Variants in PTPRM observed in about 807,000 individuals in gnomAD.
PTPRM encodes protein tyrosine phosphatase receptor type M, also known as receptor-type tyrosine-protein phosphatase mu.
A neutral mutation model predicts 186.7 loss-of-function variants in PTPRM; 47 were observed. The observed-to-expected ratio is 0.25, with a 90% confidence interval of 0.20 to 0.32. The LOEUF (loss-of-function observed/expected upper bound fraction) is 0.32, where lower values mean the gene tolerates loss of function less well. PTPRM is among the 10% of genes least tolerant of loss of function. The pLI, the probability that PTPRM is intolerant of heterozygous loss-of-function variation, is 1.00. For missense variants in PTPRM, 1,494 were observed against 1,865.0 expected, an observed-to-expected ratio of 0.80 and a Z score of 3.66; for synonymous variants, 668 against 674.9, an observed-to-expected ratio of 0.99 and a Z score of 0.16.
chr18:8,317,593 T>C (rs2095318250), intron 21 of PTPRM, among the ~76,000 whole-genome samples: 1 of 152,020 alleles, frequency 6.6e-6, no homozygotes, highest in Non-Finnish European at 1.5e-5. Flanking sequence ...AACCAGGCCT[T>C]CCACATCAAG....
chr18:7,791,240 T>C (rs1181610118), intron 2 of PTPRM, among the ~76,000 whole-genome samples: 1 of 151,086 alleles, frequency 6.6e-6, no homozygotes, highest in Non-Finnish European at 1.5e-5. Flanking sequence ...TCTAGATCCC[T>C]TTTTTTTTCA....
chr18:7,918,824 T>G (rs1368207005), intron 4 of PTPRM, among the ~76,000 whole-genome samples: 2 of 152,186 alleles, frequency 1.3e-5, no homozygotes, highest in African/African-American at 4.8e-5. Flanking sequence ...TGTCTGTTTT[T>G]GTTTTGGTTG....
intron 14 of PTPRM, among the ~76,000 whole-genome samples, chr18:8,202,568 C>T (rs909267768): frequency 1.3e-5 from 2 of 150,826 alleles, no homozygotes; most frequent in Non-Finnish European, 2.9e-5. Flanking sequence ...TTAGTTCTTT[C>T]CCACTTTCAT....
chr18:8,276,134 C>G (rs1377442938), intron 19 of PTPRM, among the ~76,000 whole-genome samples: 1 of 152,022 alleles, frequency 6.6e-6, no homozygotes, highest in Non-Finnish European at 1.5e-5. Context: ...CAACTCCTGC[C>G]TCCTCCTTGA....
chr18:7,980,860 G>A (rs893815685), intron 7 of PTPRM, among the ~76,000 whole-genome samples: 6 of 151,910 alleles, frequency 3.9e-5, no homozygotes, highest in Non-Finnish European at 8.8e-5. Flanking sequence ...GTGTTGATCT[G>A]TCTCCCTCCA....
intron 7 of PTPRM, among the ~76,000 whole-genome samples, chr18:7,956,587 A>G (rs909962050): frequency 1.3e-5 from 2 of 152,192 alleles, no homozygotes; most frequent in Non-Finnish European, 2.9e-5. Context: ...CAGACCCCAC[A>G]TCTGTATCCT....
rs772892539 is a variant in PTPRM, at chr18:8,143,655, A to G, written c.2176A>G (p.Thr726Ala). 1.3e-6 allele frequency: 2 copies of G among 1,596,446 alleles called. No homozygotes were observed. Among genetic ancestry groups the G allele is most frequent in the African/African-American group, 1.3e-5 (1 of 74,430 alleles). Residue 726 changes from threonine (T) to alanine (A), a missense_variant, in exon 14 of 33, where the codon ACT becomes GCT. Transcript: ENST00000580170. ...TTTCCTTTCATCTTCAGGAGCTGCC[A>G]CTCCGAAACCAGTCCCAGAACCCGA... ...CVQVATKGAA[T>A]PKPVPEPEKQ...
intron 13 of PTPRM, 28 bp from the exon 14 acceptor site, chr18:8,143,619 C>G: frequency 3.8e-6 from 6 of 1,570,838 alleles, no homozygotes; most frequent in South Asian, 1.1e-5. Flanking sequence ...CCTACAGTCT[C>G]TCCTTTTTCA....
chr18:7,978,136 C>T lies in PTPRM; in HGVS notation c.1132+22722C>T, dbSNP rs539678856. Among the ~76,000 whole-genome samples, 4 of 152,290 alleles carry T rather than the reference C, an allele frequency of 2.6e-5. No homozygotes were observed. The South Asian group carries it at 8.3e-4, about 32-fold the overall frequency. ...CTTTTAGCCTCACTACAAAGCCAGCCTCTGTGAGTCTGCCCAATAGCTCTG... is the reference window on the plus strand; with the variant it reads ...CTTTTAGCCTCACTACAAAGCCAGCTTCTGTGAGTCTGCCCAATAGCTCTG... On this transcript the variant is annotated intron_variant, in intron 7 of 32. Transcript: ENST00000580170.
At chr18:8,290,142 G>A (rs1022991984) in intron 19 of PTPRM, among the ~76,000 whole-genome samples, 7 of 152,300 alleles carry the variant, frequency 4.6e-5, no homozygotes, top group African/African-American at 1.2e-4. Context: ...CGAAGCACCA[G>A]AAGAGAAGTC....
rs189138820 is a variant in PTPRM, at chr18:7,715,785, G to A, written c.74-58364G>A. ...GCTACAAAGAAAATAAAATACCTAAGACTCTAACTTAACAAGGGATGTGAA... is the reference window on the plus strand; with the variant it reads ...GCTACAAAGAAAATAAAATACCTAAAACTCTAACTTAACAAGGGATGTGAA... On this transcript the variant is annotated intron_variant, in intron 1 of 32. Transcript: ENST00000580170. Among the ~76,000 whole-genome samples the A allele has an allele frequency of 2.2e-3, 341 of 152,228 alleles. 1 individual carries two copies. The highest frequency in any genetic ancestry group is 7.9e-3 in the African/African-American group (329 of 41,534).
intron 7 of PTPRM, among the ~76,000 whole-genome samples, chr18:8,007,917 C>T (rs2084286346): frequency 6.6e-6 from 1 of 152,134 alleles, no homozygotes; most frequent in Non-Finnish European, 1.5e-5. Flanking sequence ...CTTTTTTATT[C>T]ATTGAGTTCC....
chr18:7,852,703 A>G (rs935442256), intron 2 of PTPRM, among the ~76,000 whole-genome samples: 3 of 151,728 alleles, frequency 2.0e-5, no homozygotes, highest in African/African-American at 7.3e-5. Flanking sequence ...AAAAAAGAAA[A>G]GAAACAACTG....
intron 19 of PTPRM, among the ~76,000 whole-genome samples, chr18:8,270,598 A>G (rs758190976): frequency 5.9e-5 from 9 of 152,160 alleles, no homozygotes; most frequent in Non-Finnish European, 1.2e-4. Context: ...AGACATGGAA[A>G]CAACCTAAAT....
At chr18:8,134,377 G>A (rs2092588294) in intron 13 of PTPRM, among the ~76,000 whole-genome samples, 2 of 152,222 alleles carry the variant, frequency 1.3e-5, no homozygotes, top group Middle Eastern at 3.4e-3. Context: ...AGCAAAGGTG[G>A]TAAGAAATGA....
chr18:7,594,991 G>A (rs116448605), intron 1 of PTPRM, among the ~76,000 whole-genome samples: 2,204 of 152,260 alleles, frequency 0.014, 53 homozygotes, highest in African/African-American at 0.05. Context: ...GAAGTGTCTT[G>A]GAGTTCTGGG....
At chr18:7,977,040 C>T (rs1328506778) in intron 7 of PTPRM, among the ~76,000 whole-genome samples, 2 of 151,780 alleles carry the variant, frequency 1.3e-5, no homozygotes, top group Non-Finnish European at 2.9e-5. Context: ...GCATGGATCT[C>T]ACCTTAGCTC....
chr18:8,242,549 CA>C (rs1195495120), intron 14 of PTPRM, among the ~76,000 whole-genome samples: 1 of 152,166 alleles, frequency 6.6e-6, no homozygotes, highest in East Asian at 1.9e-4. Flanking sequence ...CCAGAGGAGT[CA>C]TGCTGGCTCA....
At chr18:7,834,194 G>A (rs1380609052) in intron 2 of PTPRM, among the ~76,000 whole-genome samples, 1 of 151,778 alleles carries the variant, frequency 6.6e-6, no homozygotes, top group Non-Finnish European at 1.5e-5. Context: ...TGATCGTATG[G>A]TTTTTGTCTT....
Sources: allele counts gnomAD v4.1 joint callset (sites outside exome capture counted in the v4.1 genomes callset), GRCh38; gene constraint gnomAD v4.1.1; transcripts MANE v1.5; gene names NCBI Gene and HGNC (gene_info 2026-07-23, HGNC 2026-07-21).